DAB1: variants seen among roughly 807,000 people sequenced by gnomAD.
DAB1 encodes DAB adaptor protein 1, also known as disabled homolog 1.
DAB1 carries 15 observed loss-of-function variants against 64.6 expected under a neutral mutation model. The ratio of observed to expected loss-of-function variants is 0.23; its 90% confidence interval spans 0.16 to 0.36. The LOEUF (loss-of-function observed/expected upper bound fraction) is 0.36. Ranked by LOEUF, DAB1 falls within the 10% of genes least tolerant of loss-of-function variation. DAB1 has a pLI of 1.00. For missense variants in DAB1, 596 were observed against 706.7 expected, an observed-to-expected ratio of 0.84 and a Z score of 1.78; for synonymous variants, 235 against 251.9, an observed-to-expected ratio of 0.93 and a Z score of 0.64.
chr1:58,217,774 A>G (rs1188385139), intron 4 of DAB1, among the ~76,000 whole-genome samples: 4 of 152,208 alleles, frequency 2.6e-5, no homozygotes, highest in African/African-American at 7.2e-5. Flanking sequence ...TATGCTTATT[A>G]TGTAGCATGC....
chr1:58,324,740 T>C (rs963001367), intron 4 of DAB1, among the ~76,000 whole-genome samples: 5 of 152,184 alleles, frequency 3.3e-5, no homozygotes, highest in Admixed American at 2.0e-4. Flanking sequence ...AGAAAAGGGA[T>C]GTGGTTAACT....
intron 7 of DAB1, among the ~76,000 whole-genome samples, chr1:57,611,083 T>C (rs1645719893): frequency 6.6e-6 from 1 of 152,044 alleles, no homozygotes; most frequent in Admixed American, 6.5e-5. Context: ...CAGTACACTG[T>C]TGTTGACAAT....
At chr1:57,031,194 AC>A (rs1646956185) in intron 9 of DAB1, among the ~76,000 whole-genome samples, 1 of 152,186 alleles carries the variant, frequency 6.6e-6, no homozygotes, top group Non-Finnish European at 1.5e-5. Flanking sequence ...TTTAAATAGA[AC>A]CTTGAGTTAA....
chr1:57,821,067 A>G (rs1177168739), intron 6 of DAB1, among the ~76,000 whole-genome samples: 1 of 151,842 alleles, frequency 6.6e-6, no homozygotes, highest in East Asian at 1.9e-4. Flanking sequence ...TCTCCCTTTC[A>G]CCCACCCCCA....
At chr1:57,273,840 G>A (rs564105347) in intron 2 of DAB1, among the ~76,000 whole-genome samples, 37 of 152,026 alleles carry the variant, frequency 2.4e-4, no homozygotes, top group South Asian at 6.3e-4. Flanking sequence ...CTAGTGAGTC[G>A]AGACTGAACA....
chr1:57,679,022 C>T (rs1013215104), intron 6 of DAB1, among the ~76,000 whole-genome samples: 8 of 151,958 alleles, frequency 5.3e-5, no homozygotes, highest in Non-Finnish European at 8.8e-5. Flanking sequence ...CCGCCTGCCT[C>T]GGCCTCCCAA....
At position 57,462,201 on chromosome 1, in the gene DAB1, G is replaced by A. The variant is rs564923801; in HGVS notation, n.626-171035C>T. Among the ~76,000 whole-genome samples the A allele has an allele frequency of 5.3e-5, 8 of 152,042 alleles. No homozygotes were observed. The East Asian group carries it at 9.7e-4, about 18-fold the overall frequency. On this transcript the variant is annotated intron_variant and non_coding_transcript_variant, in intron 7 of 20. Coordinates refer to the DAB1 transcript ENST00000485760. ...TGACCTCAGGTGACCCACCCACCTC[G>A]GCCTCCCAAAGTGCTGGGATTACAG...
chr1:57,244,522 A>G (rs1210907633), intron 2 of DAB1, among the ~76,000 whole-genome samples: 1 of 152,222 alleles, frequency 6.6e-6, no homozygotes, highest in Non-Finnish European at 1.5e-5. Flanking sequence ...AGGACTGATA[A>G]TCTCCAGCTG....
At chr1:57,857,047 T>C (rs1653786885) in intron 1 of DAB1, among the ~76,000 whole-genome samples, 1 of 152,180 alleles carries the variant, frequency 6.6e-6, no homozygotes, top group South Asian at 2.1e-4. Flanking sequence ...TTGGAAAGTG[T>C]TCATTGTATC....
chr1:57,584,594 C>T (rs535438673), intron 7 of DAB1, among the ~76,000 whole-genome samples: 1 of 152,264 alleles, frequency 6.6e-6, no homozygotes, highest in African/African-American at 2.4e-5. Flanking sequence ...CTAATGTCTC[C>T]CTGAACAGGC....
At chr1:57,834,848 T>C (rs1307639424) in intron 1 of DAB1, among the ~76,000 whole-genome samples, 1 of 152,140 alleles carries the variant, frequency 6.6e-6, no homozygotes, top group Non-Finnish European at 1.5e-5. Flanking sequence ...GCCAACCTTG[T>C]CCTCCTGTGT....
At chr1:58,323,784 G>T (rs1235817744) in intron 4 of DAB1, among the ~76,000 whole-genome samples, 3 of 151,984 alleles carry the variant, frequency 2.0e-5, no homozygotes, top group Non-Finnish European at 4.4e-5. Flanking sequence ...AATTAGCCAG[G>T]CGTGGCGGTG....
intron 11 of DAB1, among the ~76,000 whole-genome samples, chr1:57,019,197 G>A (rs900284937): frequency 6.6e-6 from 1 of 152,176 alleles, no homozygotes; most frequent in African/African-American, 2.4e-5. Context: ...TGCCTAGCAT[G>A]GTTTGGGACG....
intron 9 of DAB1, among the ~76,000 whole-genome samples, chr1:57,038,247 T>C (rs1369794291): frequency 6.6e-6 from 1 of 152,250 alleles, no homozygotes; most frequent in East Asian, 1.9e-4. Context: ...GTCTAGACAG[T>C]ACCATGAAAT....
Position 57,962,042 on chromosome 1 carries a change from C to T in DAB1, n.388-77880G>A, listed in dbSNP as rs144378412. Among the ~76,000 whole-genome samples, 439 of 151,578 alleles carry T rather than the reference C, an allele frequency of 2.9e-3. 3 individuals carry two copies. The highest frequency in any genetic ancestry group is 0.01 in the African/African-American group (418 of 41,334). ...ACTTGGAGTTAAATTAAGAGAGTGG[C>T]GATCTAAAGTCTGGTTCAGCAACTT... On this transcript the variant is annotated intron_variant and non_coding_transcript_variant, in intron 5 of 20. Transcript: ENST00000485760.
chr1:57,491,479 A>AT (rs1419876143), intron 7 of DAB1, among the ~76,000 whole-genome samples: 1 of 152,156 alleles, frequency 6.6e-6, no homozygotes, highest in Non-Finnish European at 1.5e-5. Flanking sequence ...ATAACAATAT[A>AT]TTTTTTATAG....
chr1:58,481,497 G>C (rs1168089690), intron 3 of DAB1, among the ~76,000 whole-genome samples: 2 of 152,018 alleles, frequency 1.3e-5, no homozygotes. Context: ...TAGCAGACCG[G>C]AGAATCATTC....
At chr1:57,676,333 A>G (rs1646565892) in intron 6 of DAB1, among the ~76,000 whole-genome samples, 1 of 152,234 alleles carries the variant, frequency 6.6e-6, no homozygotes, top group Non-Finnish European at 1.5e-5. Context: ...ACAATCAAGA[A>G]GCAGATAAGA....
chr1:58,523,438 C>T (rs556393253), intron 2 of DAB1, among the ~76,000 whole-genome samples: 28 of 152,218 alleles, frequency 1.8e-4, no homozygotes, highest in African/African-American at 6.7e-4. Flanking sequence ...GCAGTAACAA[C>T]CTTTCCCTAA....
Sources: gnomAD v4.1 joint callset for allele counts (sites outside exome capture counted in the v4.1 genomes callset) on GRCh38, gnomAD v4.1.1 for gene constraint, MANE v1.5 for transcripts, NCBI Gene and HGNC (gene_info 2026-07-23, HGNC 2026-07-21) for gene names.